Variants in ZRANB2 observed in about 807,000 individuals in gnomAD.
The protein encoded by ZRANB2 is zinc finger Ran-binding domain-containing protein 2.
ZRANB2 carries 19 observed loss-of-function variants against 53.4 expected under a neutral mutation model. That is an observed-to-expected ratio of 0.36 (90% CI 0.25 to 0.52). The LOEUF (loss-of-function observed/expected upper bound fraction) is 0.52. ZRANB2 is among the 20% of genes least tolerant of loss of function. ZRANB2 has a pLI of 0.93. For synonymous variants in ZRANB2, 145 were observed against 134.8 expected (o/e 1.08, Z -0.52); for missense variants, 309 against 401.1 (o/e 0.77, Z 1.96).
chr1:71,070,936 C>T lies in ZRANB2; in HGVS notation c.574G>A (p.Asp192Asn). The T allele has an allele frequency of 6.2e-7, 1 of 1,610,844 alleles. No homozygotes were observed. The highest frequency in any genetic ancestry group is 8.5e-7 in the Non-Finnish European group (1 of 1,178,622). ...KYNLDASEEE[D>N]SNKKKSNRRS... The stretch of plus-strand genomic sequence containing the variant: ...CTATTAGATTTCTTTTTATTACTAT[C>T]TTCTTCTTCACTGGCATCAAGATTA... Residue 192 changes from aspartate (D) to asparagine (N), a missense_variant, in exon 7 of 10, where the codon GAT becomes AAT. This residue lies in a region of ZRANB2 where 211 missense variants were observed against 196.1 expected (regional missense o/e 1.08). Coordinates refer to ENST00000370920, the MANE Select transcript of ZRANB2 (RefSeq NM_203350.3).
intron 1 of ZRANB2, 65 bp downstream of exon 1, chr1:71,080,875 G>A (rs770404499): frequency 3.6e-5 from 56 of 1,575,370 alleles, no homozygotes; most frequent in Non-Finnish European, 4.6e-5. Context: ...GGAAAATGCC[G>A]GACGGACCTC....
chr1:71,077,611 T>C (rs934271951), intron 3 of ZRANB2, among the ~76,000 whole-genome samples: 4 of 152,174 alleles, frequency 2.6e-5, no homozygotes, highest in African/African-American at 9.7e-5. Context: ...CCCAGCACTT[T>C]GGGAGGCCAA....
rs1360705401 is a variant in ZRANB2 at position 71,079,137 on chromosome 1, GAAA to G, written c.57-432_57-430del. Among the ~76,000 whole-genome samples, 597 of 152,254 alleles carry G rather than the reference GAAA, an allele frequency of 3.9e-3. 3 individuals carry two copies. Among genetic ancestry groups the G allele is most frequent in the African/African-American group, 0.014 (576 of 41,564 alleles). ...CAAGGAGGGCTTCATGGATCTTAAT[GAAA>G]TTATCTTTTTACATGCAGTAGGTAG... On this transcript the variant is annotated intron_variant, in intron 1 of 9. Coordinates refer to ENST00000370920, the MANE Select transcript of ZRANB2 (RefSeq NM_203350.3).
rs1289269609 is a variant in ZRANB2, at chr1:71,064,216, CAA to C, written c.*856_*857del. The C allele has an allele frequency of 6.6e-6, 1 of 152,176 alleles. No individual in the cohort carries two copies. The highest frequency in any genetic ancestry group is 2.4e-5 in the African/African-American group (1 of 41,380). 9.4% of individuals were successfully genotyped at this position (152,176 alleles called of 1,614,324 possible). A position where few individuals can be genotyped will look rare whatever the true frequency, so the allele number is the denominator to read the frequency against. Reference sequence around the variant, plus strand: ...CACAATGTCTCCATTGGCCTTTCACCAAAAGAGAAATATACTTTAAAAGCTTA... The same window carrying C: ...CACAATGTCTCCATTGGCCTTTCACCAAGAGAAATATACTTTAAAAGCTTA... On this transcript the variant is annotated 3_prime_UTR_variant, in exon 10 of 10. Coordinates refer to ENST00000370920, the MANE Select transcript of ZRANB2 (RefSeq NM_203350.3).
At position 71,064,341 on chromosome 1, in the gene ZRANB2, G is replaced by C. The variant is rs893618652; in HGVS notation, c.*733C>G. 6.6e-6 allele frequency: 1 copy of C among 151,992 alleles called. No homozygotes were observed. Among genetic ancestry groups the C allele is most frequent in the Non-Finnish European group, 1.5e-5 (1 of 67,846 alleles). 9.4% of individuals were successfully genotyped at this position (151,992 alleles called of 1,614,324 possible). On this transcript the variant is annotated 3_prime_UTR_variant, in exon 10 of 10. Transcript: ENST00000370920. Reference sequence around the variant, plus strand: ...ATCACACAAAGCTTCTTAAAACATTGGTAAACATTTTGAGATGTCTTTATC... The same window carrying C: ...ATCACACAAAGCTTCTTAAAACATTCGTAAACATTTTGAGATGTCTTTATC...
chr1:71,069,961 A>G (rs1661560056), intron 7 of ZRANB2, among the ~76,000 whole-genome samples: 1 of 152,158 alleles, frequency 6.6e-6, no homozygotes, highest in African/African-American at 2.4e-5. Context: ...CTAATTTACA[A>G]CTATAATTTG....
intron 5 of ZRANB2, 87 bp downstream of exon 5, chr1:71,072,385 T>G: frequency 6.8e-7 from 1 of 1,465,820 alleles, no homozygotes; most frequent in South Asian, 1.3e-5. Flanking sequence ...AAATTGCACT[T>G]AAAAAAAAGT....
rs967330595 is a variant in ZRANB2 at position 71,064,165 on chromosome 1, T to C, written c.*909A>G. On this transcript the variant is annotated 3_prime_UTR_variant, in exon 10 of 10. Transcript: ENST00000370920. Reference sequence around the variant, plus strand: ...GTATGCAGTGTGTTTATAGTTAACATCTTGAGGCAAATGTTCACTTAAATT... The same window carrying C: ...GTATGCAGTGTGTTTATAGTTAACACCTTGAGGCAAATGTTCACTTAAATT... The C allele has an allele frequency of 6.6e-6, 1 of 152,468 alleles. No individual in the cohort carries two copies. The highest frequency in any genetic ancestry group is 1.5e-5 in the Non-Finnish European group (1 of 67,906). The allele number at this position is 152,468 out of a possible 1,614,324, so 9.4% of individuals were successfully genotyped here.
chr1:71,067,934 T>C (rs956018339), intron 8 of ZRANB2, among the ~76,000 whole-genome samples: 1 of 151,624 alleles, frequency 6.6e-6, no homozygotes, highest in African/African-American at 2.4e-5. Flanking sequence ...TGTGGTGCAG[T>C]AGCATAAGCA....
rs1661577010 is a variant in ZRANB2, at chr1:71,070,742, T to C, written c.683+85A>G. ...TTTTAAAATAAAAAGGAAAGTTTATTTCGTCAAGAAAAACAAAATTTATAA... is the reference window on the plus strand; with the variant it reads ...TTTTAAAATAAAAAGGAAAGTTTATCTCGTCAAGAAAAACAAAATTTATAA... On this transcript the variant is annotated intron_variant, in intron 7 of 9. Coordinates refer to ENST00000370920, the MANE Select transcript of ZRANB2 (RefSeq NM_203350.3). 3.7e-5 allele frequency: 30 copies of C among 810,804 alleles called. No individual in the cohort carries two copies. The South Asian group carries it at 7.4e-4, about 20-fold the overall frequency. The allele number at this position is 810,804 out of a possible 1,614,324, so 50.2% of individuals were successfully genotyped here. A position where few individuals can be genotyped will look rare whatever the true frequency, so the allele number is the denominator to read the frequency against.
At chr1:71,066,616 C>G (rs920719654) in intron 9 of ZRANB2, 160 bp downstream of exon 9, 1 of 604,576 alleles carries the variant, frequency 1.7e-6, no homozygotes, top group Non-Finnish European at 2.7e-6. Context: ...GATCAAAGTA[C>G]AAAGGATAAG....
intron 4 of ZRANB2, among the ~76,000 whole-genome samples, chr1:71,073,262 A>G (rs1661633389): frequency 1.3e-5 from 2 of 152,098 alleles, no homozygotes. Context: ...CTGGAATTAA[A>G]GAAAATGAGC....
In ZRANB2 at chr1:71,066,781, G is replaced by C; in HGVS notation, c.924C>G (p.Pro308=). Residue 308 remains proline (P), a synonymous_variant, in exon 9 of 10, where the codon CCC becomes CCG. Transcript: ENST00000370920. ...RKKRRTRSRS[P]ERRHRSSSGS... ...ATTTCTACAGAAACCCAAACCTTTC[G>C]GGTGACCGTGATCTTGTTCGTCTTT... The C allele has an allele frequency of 6.2e-7, 1 of 1,610,970 alleles. No homozygotes were observed. Among genetic ancestry groups the C allele is most frequent in the Non-Finnish European group, 8.5e-7 (1 of 1,178,962 alleles).
intron 1 of ZRANB2, among the ~76,000 whole-genome samples, chr1:71,079,056 C>G (rs942759809): frequency 6.6e-6 from 1 of 152,080 alleles, no homozygotes; most frequent in South Asian, 2.1e-4. Flanking sequence ...TACTTACAAG[C>G]TACCAGGGAG....
intron 8 of ZRANB2, 23 bp from the exon 9 acceptor site, chr1:71,066,957 C>A: frequency 6.5e-7 from 1 of 1,537,224 alleles, no homozygotes; most frequent in Non-Finnish European, 8.7e-7. Context: ...AGAAACAAAT[C>A]AAACATTTCA....
rs779556689 is a variant in ZRANB2, at chr1:71,078,411, T to C, written c.218+46A>G. Reference sequence around the variant, plus strand: ...GTAATATAAACAAGTAGTGGCCAGATCTATTATTTTGGAAGAAAGAGCAGA... The same window carrying C: ...GTAATATAAACAAGTAGTGGCCAGACCTATTATTTTGGAAGAAAGAGCAGA... On this transcript the variant is annotated intron_variant, in intron 3 of 9. Coordinates refer to ENST00000370920, the MANE Select transcript of ZRANB2 (RefSeq NM_203350.3). 40 of 1,518,424 alleles carry C rather than the reference T, an allele frequency of 2.6e-5. No homozygotes were observed. In the Admixed American group the frequency reaches 3.4e-4, roughly 13 times the overall value. The allele number at this position is 1,518,424 out of a possible 1,614,324, so 94.1% of individuals were successfully genotyped here. A position where few individuals can be genotyped will look rare whatever the true frequency, so the allele number is the denominator to read the frequency against.
chr1:71,071,167 G>C (rs1027959598), intron 6 of ZRANB2, among the ~76,000 whole-genome samples, 171 bp from the exon 7 acceptor site: 1 of 152,074 alleles, frequency 6.6e-6, no homozygotes, highest in African/African-American at 2.4e-5. Flanking sequence ...ATAGAGACTT[G>C]ACAACTTTGT....
At chr1:71,078,773 C>T in intron 1 of ZRANB2, 65 bp from the exon 2 acceptor site, 1 of 1,336,726 alleles carries the variant, frequency 7.5e-7, no homozygotes, top group South Asian at 1.2e-5. Flanking sequence ...TTTAACTTGT[C>T]CTCACTACAT....
Position 71,070,859 on chromosome 1 carries a change from T to TGAGCGTGATGAA in ZRANB2, c.639_650dup (p.Arg216_Ser219dup). The TGAGCGTGATGAA allele has an allele frequency of 6.2e-7, 1 of 1,605,140 alleles. No homozygotes were observed. The highest frequency in any genetic ancestry group is 8.5e-7 in the Non-Finnish European group (1 of 1,175,224). On this transcript the variant is annotated inframe_insertion, in exon 7 of 10. Coordinates refer to ENST00000370920, the MANE Select transcript of ZRANB2 (RefSeq NM_203350.3). Reference sequence around the variant, plus strand: ...TAGACCTTGAACTTGAGGGGGAGGATGAGCGTGATGAAGATCGTGAATGTG... The same window carrying TGAGCGTGATGAA: ...TAGACCTTGAACTTGAGGGGGAGGATGAGCGTGATGAAGAGCGTGATGAAGATCGTGAATGTG...
Sources: allele counts gnomAD v4.1 joint callset (sites outside exome capture counted in the v4.1 genomes callset), GRCh38; gene constraint gnomAD v4.1.1; regional missense constraint gnomAD v4.1.1; transcripts MANE v1.5; gene names NCBI Gene and HGNC (gene_info 2026-07-23, HGNC 2026-07-21).